The following RHOBTB2 variants were observed in gnomAD, a reference collection of about 807,000 sequenced individuals.
RHOBTB2 encodes the protein rho-related BTB domain-containing protein 2.
In RHOBTB2, 39 loss-of-function variants were observed where a neutral mutation model predicts 66.5. The observed-to-expected ratio is 0.59, with a 90% confidence interval of 0.45 to 0.77. The LOEUF (loss-of-function observed/expected upper bound fraction) is 0.77, where lower values mean the gene tolerates loss of function less well. Ranked by LOEUF, RHOBTB2 falls within the 30% of genes least tolerant of loss-of-function variation. RHOBTB2 has a pLI of 0.00. For synonymous variants in RHOBTB2, 390 were observed against 395.0 expected, an observed-to-expected ratio of 0.99 and a Z score of 0.15; for missense variants, 755 against 999.1, an observed-to-expected ratio of 0.76 and a Z score of 3.29.
At chr8:22,971,746 C>T in the RHOBTB2 span, among the ~76,000 whole-genome samples, 1 of 152,166 alleles carries the variant, frequency 6.6e-6, no homozygotes, top group Admixed American at 6.5e-5. Context: ...CCTGGCCAGT[C>T]TATCCTTTGA....
chr8:22,957,451 C>T, the RHOBTB2 span, among the ~76,000 whole-genome samples: 2 of 152,216 alleles, frequency 1.3e-5, no homozygotes, highest in Non-Finnish European at 2.9e-5. Context: ...TTATCCCCGA[C>T]AGCCAGCCCT....
intron 6 of RHOBTB2, 35 bp from the exon 7 acceptor site, chr8:23,010,503 T>C: frequency 5.0e-6 from 8 of 1,598,496 alleles, no homozygotes; most frequent in Non-Finnish European, 6.8e-6. Context: ...CTAAGCAGGA[T>C]CTCATTGCTG....
rs1469894072 is a variant in RHOBTB2, at chr8:23,018,059, T to C, written c.*590T>C. On this transcript the variant is annotated 3_prime_UTR_variant, in exon 10 of 10. Coordinates refer to ENST00000251822, the MANE Select transcript of RHOBTB2 (RefSeq NM_015178.3). The stretch of plus-strand genomic sequence containing the variant: ...AAAAGGCCAGACGTGGAAAGGCCTG[T>C]ATCCTGCCAGTGTCCCTCCGTCCCA... The C allele has an allele frequency of 6.4e-6, 1 of 156,094 alleles. No individual in the cohort carries two copies. Among genetic ancestry groups the C allele is most frequent in the Non-Finnish European group, 1.4e-5 (1 of 70,122 alleles). The allele number at this position is 156,094 out of a possible 1,614,324, so 9.7% of individuals were successfully genotyped here.
intron 1 of RHOBTB2, among the ~76,000 whole-genome samples, chr8:23,003,295 C>T (rs1362203966): frequency 6.6e-6 from 1 of 152,250 alleles, no homozygotes; most frequent in Non-Finnish European, 1.5e-5. Context: ...CATCTGACTA[C>T]AGAAGTGCCT....
the RHOBTB2 span, among the ~76,000 whole-genome samples, chr8:22,972,908 T>C: frequency 7.7e-4 from 117 of 152,342 alleles, 1 homozygote; most frequent in African/African-American, 2.7e-3. Context: ...CCTTTCTGAA[T>C]CTGCCGTGCA....
At chr8:22,994,052 CAGG>C (rs1282597892) in intron 2 of RHOBTB2, among the ~76,000 whole-genome samples, 3 of 152,150 alleles carry the variant, frequency 2.0e-5, no homozygotes, top group Non-Finnish European at 2.9e-5. Flanking sequence ...CAATTTGGGT[CAGG>C]AGATGTTTCA....
the RHOBTB2 span, among the ~76,000 whole-genome samples, chr8:22,961,641 G>A: frequency 1.7e-3 from 264 of 152,288 alleles, 1 homozygote; most frequent in African/African-American, 6.1e-3. Flanking sequence ...GCTAAAAGGT[G>A]GGTGGGGAGG....
chr8:22,956,851 G>C, the RHOBTB2 span, among the ~76,000 whole-genome samples: 2 of 152,090 alleles, frequency 1.3e-5, no homozygotes, highest in Non-Finnish European at 2.9e-5. Context: ...GTAGAGACGG[G>C]GTATCTCCGT....
chr8:22,984,719 T>G (rs1425713419), upstream of RHOBTB2: 2 of 152,130 alleles, frequency 1.3e-5, no homozygotes, highest in African/African-American at 4.8e-5. Flanking sequence ...AGGTCAGGAG[T>G]TCGAGACCAG....
chr8:23,000,025 T>C lies in RHOBTB2; in HGVS notation c.-91T>C. On this transcript the variant is annotated 5_prime_UTR_variant, in exon 1 of 10. Coordinates refer to ENST00000251822, the MANE Select transcript of RHOBTB2 (RefSeq NM_015178.3). The stretch of plus-strand genomic sequence containing the variant: ...CAACTTGCAGGCGCGGAGGGACCCC[T>C]GACATTTCACTAAAATGAGCGTGCT... 2 of 985,554 alleles carry C rather than the reference T, an allele frequency of 2.0e-6. No individual in the cohort carries two copies. Among genetic ancestry groups the C allele is most frequent in the Non-Finnish European group, 2.4e-6 (2 of 829,998 alleles). The allele number at this position is 985,554 out of a possible 1,614,324, so 61.1% of individuals were successfully genotyped here.
chr8:23,014,090 T>G (rs1341882456), intron 7 of RHOBTB2, among the ~76,000 whole-genome samples: 1 of 152,224 alleles, frequency 6.6e-6, no homozygotes, highest in East Asian at 1.9e-4. Context: ...GGATGACTGT[T>G]GTTTCTAGGT....
In RHOBTB2 at chr8:23,004,342, T is replaced by C; in HGVS notation, c.-10-83T>C. On this transcript the variant is annotated intron_variant, in intron 1 of 9. Transcript: ENST00000251822. This position sits in a 1 kb window ranked among gnomAD's most constrained non-coding sequence, Gnocchi z 6.4. ...GGGCTTGCAGAGGGGGCAGCCTGGC[T>C]GAGGAGAGCTGCGGGTGCTGGCCCT... is the stretch of plus-strand genomic sequence containing the variant. 1.7e-6 allele frequency: 2 copies of C among 1,201,922 alleles called. No homozygotes were observed. 74.5% of individuals were successfully genotyped at this position (1,201,922 alleles called of 1,614,324 possible). A position where few individuals can be genotyped will look rare whatever the true frequency, so the allele number is the denominator to read the frequency against.
At chr8:22,984,125 C>CA (rs550339226), upstream of RHOBTB2, among the ~76,000 whole-genome samples, 81 of 147,578 alleles carry the variant, frequency 5.5e-4, no homozygotes, top group East Asian at 6.1e-3. Flanking sequence ...AGGCTGAGTG[C>CA]AAAAAAAAAC....
the RHOBTB2 span, among the ~76,000 whole-genome samples, chr8:22,962,655 C>A: frequency 6.6e-6 from 1 of 152,158 alleles, no homozygotes; most frequent in Non-Finnish European, 1.5e-5. Context: ...CCACTGAGAA[C>A]AACATAGAGT....
upstream of RHOBTB2, among the ~76,000 whole-genome samples, chr8:22,997,553 G>A (rs1402162843): frequency 6.6e-6 from 1 of 152,216 alleles, no homozygotes; most frequent in Non-Finnish European, 1.5e-5. Context: ...ACACAGTCCA[G>A]CCTGGTTGAG....
chr8:22,975,506 C>G, the RHOBTB2 span, among the ~76,000 whole-genome samples: 2 of 152,042 alleles, frequency 1.3e-5, no homozygotes, highest in Non-Finnish European at 2.9e-5. Context: ...GTGCTGGAGG[C>G]CTGAGGCTGA....
chr8:22,955,175 A>G, the RHOBTB2 span, among the ~76,000 whole-genome samples: 4 of 152,014 alleles, frequency 2.6e-5, no homozygotes, highest in Non-Finnish European at 4.4e-5. Flanking sequence ...TGCATTGCCT[A>G]TGGCCAGTAA....
At chr8:22,966,993 G>C in the RHOBTB2 span, among the ~76,000 whole-genome samples, 3 of 152,160 alleles carry the variant, frequency 2.0e-5, no homozygotes, top group Non-Finnish European at 2.9e-5. Flanking sequence ...AACCAGTGTG[G>C]TAGTTTCTCA....
chr8:22,966,950 G>C, the RHOBTB2 span, among the ~76,000 whole-genome samples: 1 of 152,158 alleles, frequency 6.6e-6, no homozygotes, highest in Non-Finnish European at 1.5e-5. Context: ...CTGCACTACT[G>C]ATGGGGATGG....
Sources: gnomAD v4.1 joint callset for allele counts (sites outside exome capture counted in the v4.1 genomes callset) on GRCh38, gnomAD v4.1.1 for gene constraint, Gnocchi (gnomAD v3.1) non-coding constraint, MANE v1.5 for transcripts, NCBI Gene and HGNC (gene_info 2026-07-23, HGNC 2026-07-21) for gene names.